Variants in PDZRN4 observed in about 807,000 individuals in gnomAD.
PDZRN4 encodes the protein PDZ domain-containing RING finger protein 4.
A neutral mutation model predicts 99.0 loss-of-function variants in PDZRN4; 70 were observed. That is an observed-to-expected ratio of 0.71 (90% CI 0.58 to 0.86). The LOEUF (loss-of-function observed/expected upper bound fraction) is 0.86, where lower values mean the gene tolerates loss of function less well. Ranked by LOEUF, PDZRN4 falls within the 40% of genes least tolerant of loss-of-function variation. The pLI, the probability that PDZRN4 is intolerant of heterozygous loss-of-function variation, is 0.00. For missense variants in PDZRN4, 1,474 were observed against 1,331.2 expected (o/e 1.11, Z -1.67); for synonymous variants, 551 against 501.6 (o/e 1.10, Z -1.32).
At chr12:41,248,112 C>G (rs923698789) in intron 3 of PDZRN4, among the ~76,000 whole-genome samples, 1 of 152,028 alleles carries the variant, frequency 6.6e-6, no homozygotes, top group Non-Finnish European at 1.5e-5. Context: ...CCGATGTTGC[C>G]CAGAGGGTTA....
chr12:41,287,366 G>A (rs1951428646), intron 3 of PDZRN4, among the ~76,000 whole-genome samples: 1 of 152,144 alleles, frequency 6.6e-6, no homozygotes, highest in South Asian at 2.1e-4. Flanking sequence ...TGTATCAAGT[G>A]AATTCTTGGT....
chr12:41,273,848 GC>G (rs1373657286), intron 3 of PDZRN4, among the ~76,000 whole-genome samples: 1 of 151,922 alleles, frequency 6.6e-6, no homozygotes, highest in Non-Finnish European at 1.5e-5. Context: ...TACCTTCATG[GC>G]AGCAGATGCC....
At chr12:41,370,276 G>A (rs1460797706) in intron 3 of PDZRN4, among the ~76,000 whole-genome samples, 1 of 151,688 alleles carries the variant, frequency 6.6e-6, no homozygotes, top group East Asian at 1.9e-4. Context: ...GGTTACATGA[G>A]GCAACTTCTT....
chr12:41,563,751 A>T lies in PDZRN4; in HGVS notation c.1467+102A>T, dbSNP rs961416009. On this transcript the variant is annotated intron_variant, in intron 8 of 9. Coordinates refer to ENST00000402685, the MANE Select transcript of PDZRN4 (RefSeq NM_001164595.2). ...TTATATTCATTATCTGCTATTCTCT[A>T]TCAAATCATTATCACGGTTATCTCT... 1.6e-5 allele frequency: 13 copies of T among 798,404 alleles called. No individual in the cohort carries two copies. In the African/African-American group the frequency reaches 2.2e-4, roughly 14 times the overall value. The allele number at this position is 798,404 out of a possible 1,614,324, so 49.5% of individuals were successfully genotyped here.
chr12:41,504,527 A>G (rs1938170622), intron 3 of PDZRN4, among the ~76,000 whole-genome samples: 1 of 152,120 alleles, frequency 6.6e-6, no homozygotes, highest in South Asian at 2.1e-4. Context: ...TATGAAACAT[A>G]TGGGATGATA....
At chr12:41,420,109 G>C (rs1218835749) in intron 3 of PDZRN4, among the ~76,000 whole-genome samples, 1 of 152,112 alleles carries the variant, frequency 6.6e-6, no homozygotes, top group African/African-American at 2.4e-5. Context: ...CTGAGTGCAA[G>C]GATATCTGAA....
intron 3 of PDZRN4, among the ~76,000 whole-genome samples, chr12:41,213,803 A>G (rs1486334899): frequency 1.3e-5 from 2 of 152,024 alleles, no homozygotes; most frequent in African/African-American, 4.8e-5. Context: ...AGCACAGAGC[A>G]TTGGTTTGGA....
intron 3 of PDZRN4, among the ~76,000 whole-genome samples, chr12:41,194,601 T>TAGGC (rs1379838000): frequency 2.0e-5 from 3 of 152,216 alleles, no homozygotes; most frequent in Admixed American, 1.3e-4. Context: ...GAGCTGTGTG[T>TAGGC]AGGCCACTGC....
intron 1 of PDZRN4, among the ~76,000 whole-genome samples, chr12:41,189,316 T>C (rs920883488): frequency 2.0e-5 from 3 of 152,080 alleles, no homozygotes; most frequent in African/African-American, 7.2e-5. Context: ...TATATTACGA[T>C]TGGAAAGAGT....
intron 5 of PDZRN4, among the ~76,000 whole-genome samples, chr12:41,548,152 A>AT (rs1938990008): frequency 2.0e-5 from 3 of 152,206 alleles, no homozygotes; most frequent in African/African-American, 4.8e-5. Context: ...TGGAGGGTGC[A>AT]AACCTGAAAT....
chr12:41,304,861 T>C (rs1189231594), intron 3 of PDZRN4, among the ~76,000 whole-genome samples: 1 of 152,210 alleles, frequency 6.6e-6, no homozygotes, highest in Admixed American at 6.5e-5. Flanking sequence ...CAAACTTCCT[T>C]CATAAACATA....
chr12:41,464,948 C>T (rs1258942776), intron 3 of PDZRN4, among the ~76,000 whole-genome samples: 1 of 151,154 alleles, frequency 6.6e-6, no homozygotes, highest in African/African-American at 2.4e-5. Context: ...CCTCAGCCTT[C>T]CTAGTAGCTG....
intron 3 of PDZRN4, among the ~76,000 whole-genome samples, chr12:41,377,133 T>A (rs1201418686): frequency 6.6e-6 from 1 of 152,200 alleles, no homozygotes; most frequent in Non-Finnish European, 1.5e-5. Flanking sequence ...TACTACAGAT[T>A]TGTAATACAG....
chr12:41,309,792 C>A (rs1011527527), intron 3 of PDZRN4, among the ~76,000 whole-genome samples: 1 of 152,042 alleles, frequency 6.6e-6, no homozygotes, highest in African/African-American at 2.4e-5. Flanking sequence ...TTAAAAAATA[C>A]TTCACACTAA....
chr12:41,342,932 C>A (rs1395031052), intron 3 of PDZRN4, among the ~76,000 whole-genome samples: 1 of 151,650 alleles, frequency 6.6e-6, no homozygotes, highest in Non-Finnish European at 1.5e-5. Context: ...GCACTATCTA[C>A]AATAGTGAAA....
chr12:41,239,871 C>T (rs764347038), intron 3 of PDZRN4, among the ~76,000 whole-genome samples: 14 of 152,056 alleles, frequency 9.2e-5, no homozygotes, highest in Non-Finnish European at 1.9e-4. Flanking sequence ...AAATGAAAAC[C>T]TTGAAATGGA....
intron 3 of PDZRN4, among the ~76,000 whole-genome samples, chr12:41,312,632 A>G (rs1394322683): frequency 6.6e-6 from 1 of 152,176 alleles, no homozygotes; most frequent in Non-Finnish European, 1.5e-5. Flanking sequence ...AGCAAGCAAG[A>G]GAGAACATGT....
intron 3 of PDZRN4, among the ~76,000 whole-genome samples, chr12:41,373,406 G>A (rs182445719): frequency 0.014 from 2,196 of 152,066 alleles, 19 homozygotes; most frequent in African/African-American, 0.029. Context: ...AAAGACAGCC[G>A]CCCCTGAAGC....
intron 3 of PDZRN4, among the ~76,000 whole-genome samples, chr12:41,505,819 T>C (rs1048513807): frequency 2.0e-5 from 3 of 151,906 alleles, no homozygotes; most frequent in Non-Finnish European, 2.9e-5. Flanking sequence ...TGAATATAAA[T>C]ATAAAGCCGG....
Sources: allele counts gnomAD v4.1 joint callset (sites outside exome capture counted in the v4.1 genomes callset), GRCh38; gene constraint gnomAD v4.1.1; transcripts MANE v1.5; gene names NCBI Gene and HGNC (gene_info 2026-07-23, HGNC 2026-07-21).